Variants in TRIM44 observed in about 807,000 individuals in gnomAD.
TRIM44 encodes tripartite motif containing 44.
Under a neutral mutation model 37.4 loss-of-function variants are expected in TRIM44, and 13 were observed. The observed-to-expected ratio is 0.35, with a 90% CI of 0.23 to 0.55. The LOEUF is 0.55. Among genes scored for constraint, TRIM44 ranks in the 20% least tolerant of loss-of-function variants. TRIM44 has a pLI of 0.89. For missense variants in TRIM44, 426 were observed against 437.2 expected (o/e 0.97, Z 0.23); for synonymous variants, 175 against 157.2 (o/e 1.11, Z -0.85).
rs1241423134 is a variant in TRIM44 at position 35,735,419 on chromosome 11, C to T, written c.988-7C>T. The T allele has an allele frequency of 2.5e-6, 4 of 1,613,598 alleles. No homozygotes were observed. The highest frequency in any genetic ancestry group is 3.4e-6 in the Non-Finnish European group (4 of 1,179,612). Reference sequence around the variant, plus strand: ...TCTAATACTGTTTCTTTCTGTTTGTCTTTCAGGGCGATGAGGAAGGACCCA... The same window carrying T: ...TCTAATACTGTTTCTTTCTGTTTGTTTTTCAGGGCGATGAGGAAGGACCCA... On this transcript the variant is annotated splice_region_variant and splice_polypyrimidine_tract_variant and intron_variant, in intron 3 of 4. Transcript: ENST00000299413.
At position 35,762,381 on chromosome 11, in the gene TRIM44, A is replaced by G. The variant is rs1246247634; in HGVS notation, c.1007+26936A>G. Among the ~76,000 whole-genome samples, 13 of 152,144 alleles carry G rather than the reference A, an allele frequency of 8.5e-5. No individual in the cohort carries two copies. In the East Asian group the frequency reaches 2.3e-3, roughly 27 times the overall value. On this transcript the variant is annotated intron_variant, in intron 4 of 4. Coordinates refer to ENST00000299413, the MANE Select transcript of TRIM44 (RefSeq NM_017583.6). The stretch of plus-strand genomic sequence containing the variant: ...GTCAGACTTAAAGTTGTTTAAAATT[A>G]AGTCTTTGCCTCTGGAGCTCTGAGT...
At chr11:35,688,415 G>A (rs1209940586) in intron 2 of TRIM44, among the ~76,000 whole-genome samples, 1 of 152,028 alleles carries the variant, frequency 6.6e-6, no homozygotes, top group African/African-American at 2.4e-5. Flanking sequence ...CATACTTATA[G>A]ATTTAAAAAT....
Position 35,704,812 on chromosome 11 carries a change from A to G in TRIM44, c.747+19476A>G, listed in dbSNP as rs534620073. 4.7e-3 allele frequency among the ~76,000 whole-genome samples: 718 copies of G among 152,354 alleles called. 2 individuals carry two copies. Among genetic ancestry groups the G allele is most frequent in the Admixed American group, 0.014 (212 of 15,312 alleles). On this transcript the variant is annotated intron_variant, in intron 2 of 4. Transcript: ENST00000299413. Reference sequence around the variant, plus strand: ...GTACCAGCCACTGCAAAATCATGCCAAGTTGTAAAGACCATCGATGCTCGG... The same window carrying G: ...GTACCAGCCACTGCAAAATCATGCCGAGTTGTAAAGACCATCGATGCTCGG...
intron 4 of TRIM44, among the ~76,000 whole-genome samples, chr11:35,758,071 G>T (rs938248014): frequency 1.3e-5 from 2 of 152,132 alleles, no homozygotes; most frequent in African/African-American, 4.8e-5. Context: ...TTTCTGTCTC[G>T]TTGATCTGTC....
At chr11:35,727,167 A>G (rs1852186270) in intron 3 of TRIM44, among the ~76,000 whole-genome samples, 1 of 152,102 alleles carries the variant, frequency 6.6e-6, no homozygotes, top group African/African-American at 2.4e-5. Flanking sequence ...CAAAAAAAAA[A>G]AAAAACCAAA....
At chr11:35,779,108 C>T (rs1853021319) in intron 4 of TRIM44, among the ~76,000 whole-genome samples, 1 of 152,226 alleles carries the variant, frequency 6.6e-6, no homozygotes, top group African/African-American at 2.4e-5. Flanking sequence ...TTCGAGCTTC[C>T]CAGCTGCTTT....
At chr11:35,739,565 C>T (rs114511358) in intron 4 of TRIM44, among the ~76,000 whole-genome samples, 2,132 of 152,186 alleles carry the variant, frequency 0.014, 47 homozygotes, top group African/African-American at 0.044. Flanking sequence ...AGGTTGCTTC[C>T]GCTCTCAGCC....
Position 35,806,466 on chromosome 11 carries a change from G to A in TRIM44, c.*81G>A. ...GTGTATGTAACGGCTTCTGATTTCT[G>A]TGAAAGCTGCTCAGCAACAAACGTA... On this transcript the variant is annotated 3_prime_UTR_variant, in exon 5 of 5. Transcript: ENST00000299413. 2.0e-6 allele frequency: 3 copies of A among 1,506,364 alleles called. No homozygotes were observed. The highest frequency in any genetic ancestry group is 1.1e-5 in the South Asian group (1 of 88,506). The allele number at this position is 1,506,364 out of a possible 1,614,324, so 93.3% of individuals were successfully genotyped here.
chr11:35,665,968 A>C (rs1056119420), intron 1 of TRIM44, among the ~76,000 whole-genome samples: 3 of 152,028 alleles, frequency 2.0e-5, no homozygotes. Flanking sequence ...TTTTTAAAGA[A>C]GTTGTGCCTT....
chr11:35,690,942 T>C (rs929551223), intron 2 of TRIM44, among the ~76,000 whole-genome samples: 1 of 152,158 alleles, frequency 6.6e-6, no homozygotes, highest in African/African-American at 2.4e-5. Context: ...AATTCATGGG[T>C]AAATAGATGT....
intron 4 of TRIM44, among the ~76,000 whole-genome samples, chr11:35,755,003 C>A (rs1169512563): frequency 1.3e-5 from 2 of 152,102 alleles, no homozygotes; most frequent in Non-Finnish European, 2.9e-5. Flanking sequence ...GTTTTATAAT[C>A]CTTTGGGTAT....
At chr11:35,702,356 A>G (rs1851800194) in intron 2 of TRIM44, among the ~76,000 whole-genome samples, 1 of 152,138 alleles carries the variant, frequency 6.6e-6, no homozygotes, top group Non-Finnish European at 1.5e-5. Context: ...ACCCTATCCC[A>G]CGCCAGCTTG....
intron 4 of TRIM44, among the ~76,000 whole-genome samples, chr11:35,745,657 T>C (rs1323609835): frequency 2.6e-5 from 4 of 152,210 alleles, no homozygotes; most frequent in African/African-American, 9.7e-5. Flanking sequence ...ACCCCATTAT[T>C]CCAGTTCACA....
chr11:35,725,191 G>A (rs1289369766), intron 2 of TRIM44, among the ~76,000 whole-genome samples: 4 of 151,746 alleles, frequency 2.6e-5, no homozygotes, highest in African/African-American at 7.3e-5. Flanking sequence ...AGAAAAGTAA[G>A]ACAACCATAT....
intron 4 of TRIM44, among the ~76,000 whole-genome samples, chr11:35,743,526 G>A (rs1027043924): frequency 2.0e-5 from 3 of 152,136 alleles, no homozygotes; most frequent in Non-Finnish European, 4.4e-5. Context: ...CCCCTTTTGG[G>A]GGTTGCTCTT....
At chr11:35,754,753 T>C (rs1182334169) in intron 4 of TRIM44, among the ~76,000 whole-genome samples, 1 of 148,030 alleles carries the variant, frequency 6.8e-6, no homozygotes, top group Non-Finnish European at 1.5e-5. Flanking sequence ...GAACATGCGG[T>C]GTTTGGTTTT....
intron 2 of TRIM44, among the ~76,000 whole-genome samples, chr11:35,725,019 G>A (rs534033273): frequency 7.5e-4 from 113 of 151,120 alleles, no homozygotes; most frequent in African/African-American, 2.5e-3. Flanking sequence ...GAAATATCCT[G>A]TACTTCCATT....
At chr11:35,742,542 T>TTAATTGTATTATATA (rs1852417024) in intron 4 of TRIM44, among the ~76,000 whole-genome samples, 1 of 125,328 alleles carries the variant, frequency 8.0e-6, no homozygotes, top group African/African-American at 3.6e-5. Context: ...TATAATTATA[T>TTAATTGTATTATATA]TAATTATATT....
In TRIM44 at chr11:35,709,577, C is replaced by G. The variant is rs746650058; in HGVS notation, c.748-16347C>G. ...TTACCAGACCAAATCCATTCCTGGACCCAGCCCAGTTTCCGTCATGACTTC... is the reference window on the plus strand; with the variant it reads ...TTACCAGACCAAATCCATTCCTGGAGCCAGCCCAGTTTCCGTCATGACTTC... On this transcript the variant is annotated intron_variant, in intron 2 of 4. Coordinates refer to ENST00000299413, the MANE Select transcript of TRIM44 (RefSeq NM_017583.6). 1.2e-4 allele frequency among the ~76,000 whole-genome samples: 18 copies of G among 152,316 alleles called. 1 individual carries two copies. The highest frequency in any genetic ancestry group is 3.4e-3 in the Middle Eastern group (1 of 294).
Sources: gnomAD v4.1 joint callset for allele counts (sites outside exome capture counted in the v4.1 genomes callset) on GRCh38, gnomAD v4.1.1 for gene constraint, MANE v1.5 for transcripts, NCBI Gene and HGNC (gene_info 2026-07-23, HGNC 2026-07-21) for gene names.